Variants in ARHGAP28 observed in about 807,000 individuals in gnomAD.
The protein encoded by ARHGAP28 is Rho GTPase activating protein 28, also known as rho GTPase-activating protein 28.
A neutral mutation model predicts 90.7 loss-of-function variants in ARHGAP28; 56 were observed. The ratio of observed to expected loss-of-function variants is 0.62; its 90% CI spans 0.50 to 0.77. The LOEUF is 0.77. Among genes scored for constraint, ARHGAP28 ranks in the 30% least tolerant of loss-of-function variants. ARHGAP28 has a pLI of 0.00. For synonymous variants in ARHGAP28, 308 were observed against 323.3 expected, an observed-to-expected ratio of 0.95 and a Z score of 0.51; for missense variants, 869 against 900.9, an observed-to-expected ratio of 0.96 and a Z score of 0.45.
chr18:6,885,802 G>GTTTTTTTTTTTT (rs11415807), intron 11 of ARHGAP28, among the ~76,000 whole-genome samples: 1 of 141,712 alleles, frequency 7.1e-6, no homozygotes. Context: ...CCCCAGAGTT[G>GTTTTTTTTTTTT]TTTTTTTTTT....
intron 4 of ARHGAP28, among the ~76,000 whole-genome samples, chr18:6,856,567 T>C (rs2056955576): frequency 6.6e-6 from 1 of 152,204 alleles, no homozygotes; most frequent in Admixed American, 6.5e-5. Context: ...TGGAGAGCAC[T>C]GGCACAATCA....
chr18:6,915,662 T>C lies in ARHGAP28; in HGVS notation c.*3508T>C, dbSNP rs1014603675. The C allele has an allele frequency of 6.6e-6, 1 of 152,174 alleles. No homozygotes were observed. The highest frequency in any genetic ancestry group is 2.4e-5 in the African/African-American group (1 of 41,436). 9.4% of individuals were successfully genotyped at this position (152,174 alleles called of 1,614,324 possible). A position where few individuals can be genotyped will look rare whatever the true frequency, so the allele number is the denominator to read the frequency against. On this transcript the variant is annotated 3_prime_UTR_variant, in exon 18 of 18. Coordinates refer to ENST00000383472, the MANE Select transcript of ARHGAP28 (RefSeq NM_001366230.1). ...TGTTCCATCAGCTTTCATTGTTAAGTAGAATATGTATGTTGCATTTTATCC... is the reference window on the plus strand; with the variant it reads ...TGTTCCATCAGCTTTCATTGTTAAGCAGAATATGTATGTTGCATTTTATCC...
intron 1 of ARHGAP28, among the ~76,000 whole-genome samples, chr18:6,815,536 A>G (rs918606649): frequency 6.6e-6 from 1 of 152,218 alleles, no homozygotes; most frequent in Non-Finnish European, 1.5e-5. Flanking sequence ...GTGTATTCAC[A>G]AAGTTGGGAT....
At chr18:6,903,942 G>A (rs1267645430) in intron 16 of ARHGAP28, among the ~76,000 whole-genome samples, 1 of 151,228 alleles carries the variant, frequency 6.6e-6, no homozygotes, top group African/African-American at 2.4e-5. Context: ...TGACTATAAA[G>A]GTATCAGAAA....
Position 6,774,056 on chromosome 18 carries a change from C to T in ARHGAP28, c.122+44113C>T, listed in dbSNP as rs149048018. On this transcript the variant is annotated intron_variant, in intron 1 of 17. Coordinates refer to ENST00000383472, the MANE Select transcript of ARHGAP28 (RefSeq NM_001366230.1). ...ATTGCCCTTTGTTTCTGGCCCTGTGCGGCTGGAGGCGGCCAGCACTGTCCT... is the reference window on the plus strand; with the variant it reads ...ATTGCCCTTTGTTTCTGGCCCTGTGTGGCTGGAGGCGGCCAGCACTGTCCT... 824 of 152,460 alleles carry T rather than the reference C, an allele frequency of 5.4e-3. 6 individuals carry two copies. The highest frequency in any genetic ancestry group is 7.5e-3 in the Non-Finnish European group (511 of 68,180). 9.4% of individuals were successfully genotyped at this position (152,460 alleles called of 1,614,324 possible). A position where few individuals can be genotyped will look rare whatever the true frequency, so the allele number is the denominator to read the frequency against.
rs115461431 is a variant in ARHGAP28, at chr18:6,809,376, G to A, written c.123-15386G>A. Among the ~76,000 whole-genome samples, 657 of 152,244 alleles carry A rather than the reference G, an allele frequency of 4.3e-3. 6 individuals carry two copies. Among genetic ancestry groups the A allele is most frequent in the African/African-American group, 0.015 (640 of 41,548 alleles). ...GTTTTGGCTCCATTTGCCCTTACTA[G>A]AATGAAACCATAATGAGGGTGTATT... On this transcript the variant is annotated intron_variant, in intron 1 of 17. Transcript: ENST00000383472.
At chr18:6,889,580 T>C (rs542840907) in intron 12 of ARHGAP28, among the ~76,000 whole-genome samples, 1 of 152,360 alleles carries the variant, frequency 6.6e-6, no homozygotes, top group African/African-American at 2.4e-5. Context: ...TCCCAGTTTA[T>C]ATTTAATTTT....
Position 6,820,594 on chromosome 18 carries a change from C to T in ARHGAP28, c.123-4168C>T, listed in dbSNP as rs79478609. ...ACCTCAATCAGAATTGAGAACTACA[C>T]TCAAATTGCTGAAAGCAAAAGATAA... is the stretch of plus-strand genomic sequence containing the variant. On this transcript the variant is annotated intron_variant, in intron 1 of 17. Transcript: ENST00000383472. Among the ~76,000 whole-genome samples the T allele has an allele frequency of 4.1e-3, 621 of 152,308 alleles. 14 individuals are homozygous for T. Among genetic ancestry groups the T allele is most frequent in the East Asian group, 0.017 (89 of 5,186 alleles).
intron 1 of ARHGAP28, among the ~76,000 whole-genome samples, chr18:6,798,815 C>T (rs1246656749): frequency 1.3e-5 from 2 of 152,116 alleles, no homozygotes; most frequent in Admixed American, 1.3e-4. Flanking sequence ...TTCGTACCAC[C>T]AAAGTGATTT....
chr18:6,891,296 G>C (rs2057263301), intron 14 of ARHGAP28, among the ~76,000 whole-genome samples: 1 of 152,022 alleles, frequency 6.6e-6, no homozygotes, highest in Non-Finnish European at 1.5e-5. Flanking sequence ...GCTTCATTGA[G>C]GATGCAACAT....
intron 16 of ARHGAP28, among the ~76,000 whole-genome samples, chr18:6,903,410 T>G (rs940919152): frequency 3.3e-5 from 5 of 152,206 alleles, no homozygotes; most frequent in African/African-American, 1.2e-4. Flanking sequence ...GTACACATCA[T>G]TTATTAGTAA....
intron 16 of ARHGAP28, among the ~76,000 whole-genome samples, chr18:6,908,120 ATTTTG>A (rs1294794445): frequency 9.0e-5 from 12 of 133,112 alleles, no homozygotes; most frequent in Non-Finnish European, 1.4e-4. Context: ...AGTTTATTTT[ATTTTG>A]TTTTATTTTA....
At position 6,868,249 on chromosome 18, in the gene ARHGAP28, T is replaced by G. The variant is rs745375088; in HGVS notation, c.811+15T>G. The G allele has an allele frequency of 3.1e-6, 5 of 1,611,160 alleles. No homozygotes were observed. The African/African-American group carries it at 6.7e-5, about 22-fold the overall frequency. On this transcript the variant is annotated intron_variant, in intron 6 of 17. Coordinates refer to ENST00000383472, the MANE Select transcript of ARHGAP28 (RefSeq NM_001366230.1). ...TGCGATAAGTGGTGAGCGGCATGCC[T>G]CCTGTTGAACTTCAGCTGTGTCTTC...
intron 1 of ARHGAP28, among the ~76,000 whole-genome samples, chr18:6,769,257 T>G (rs2056223932): frequency 6.6e-6 from 1 of 151,960 alleles, no homozygotes; most frequent in South Asian, 2.1e-4. Flanking sequence ...CTGTGGCTCC[T>G]GCTCCTCCCA....
At chr18:6,747,636 C>T (rs936596142) in intron 1 of ARHGAP28, among the ~76,000 whole-genome samples, 1 of 152,096 alleles carries the variant, frequency 6.6e-6, no homozygotes, top group African/African-American at 2.4e-5. Flanking sequence ...CAGACTCAAG[C>T]AAAAAATTCT....
At chr18:6,793,843 T>G (rs2056422666) in intron 1 of ARHGAP28, among the ~76,000 whole-genome samples, 1 of 151,990 alleles carries the variant, frequency 6.6e-6, no homozygotes, top group African/African-American at 2.4e-5. Flanking sequence ...TCAGACTCAT[T>G]TATCAATATG....
chr18:6,798,234 C>T (rs779194520), intron 1 of ARHGAP28, among the ~76,000 whole-genome samples: 8 of 152,126 alleles, frequency 5.3e-5, no homozygotes, highest in Non-Finnish European at 1.2e-4. Flanking sequence ...TCTCTTGTCA[C>T]CTGGTCTGCA....
At chr18:6,781,136 C>T (rs968962760) in intron 1 of ARHGAP28, among the ~76,000 whole-genome samples, 1 of 152,102 alleles carries the variant, frequency 6.6e-6, no homozygotes, top group African/African-American at 2.4e-5. Flanking sequence ...CCTTTGATTC[C>T]CCTCCTTTCC....
intron 4 of ARHGAP28, among the ~76,000 whole-genome samples, chr18:6,854,069 G>C (rs1032609817): frequency 6.6e-6 from 1 of 151,604 alleles, no homozygotes; most frequent in Non-Finnish European, 1.5e-5. Context: ...TCACCACTTA[G>C]TTACATGAAA....
Sources: gnomAD v4.1 joint callset for allele counts (sites outside exome capture counted in the v4.1 genomes callset) on GRCh38, gnomAD v4.1.1 for gene constraint, MANE v1.5 for transcripts, NCBI Gene and HGNC (gene_info 2026-07-23, HGNC 2026-07-21) for gene names.